The following GALNT13 variants were observed in gnomAD, a reference collection of about 807,000 sequenced individuals.
GALNT13 encodes polypeptide N-acetylgalactosaminyltransferase 13.
Under a neutral mutation model 64.2 loss-of-function variants are expected in GALNT13, and 28 were observed. That is an observed-to-expected ratio of 0.44 (90% CI 0.32 to 0.60). The LOEUF is 0.60. Ranked by LOEUF, GALNT13 falls within the 20% of genes least tolerant of loss-of-function variation. The pLI, the probability that GALNT13 is intolerant of heterozygous loss-of-function variation, is 0.05. For synonymous variants in GALNT13, 214 were observed against 224.6 expected, an observed-to-expected ratio of 0.95 and a Z score of 0.42; for missense variants, 577 against 669.8, an observed-to-expected ratio of 0.86 and a Z score of 1.53.
chr2:153,522,532 G>C, the GALNT13 span, among the ~76,000 whole-genome samples: 18 of 152,214 alleles, frequency 1.2e-4, no homozygotes, highest in Non-Finnish European at 2.2e-4. Flanking sequence ...GTTGGTGGTG[G>C]TGTTTTCATT....
At chr2:153,674,234 G>T in the GALNT13 span, among the ~76,000 whole-genome samples, 2 of 152,094 alleles carry the variant, frequency 1.3e-5, no homozygotes, top group East Asian at 1.9e-4. Flanking sequence ...AAAAGAGCCC[G>T]CATTGCCAAG....
the GALNT13 span, chr2:153,478,705 C>G: frequency 1.4e-6 from 1 of 722,506 alleles, no homozygotes; most frequent in Non-Finnish European, 2.3e-6. Context: ...TCGAAAGTCC[C>G]TGGGCCGTGG....
intron 9 of GALNT13, among the ~76,000 whole-genome samples, chr2:154,378,939 C>A (rs949926529): frequency 1.3e-5 from 2 of 152,050 alleles, no homozygotes; most frequent in African/African-American, 4.8e-5. Flanking sequence ...CTTCTCTCTT[C>A]ATTTAAAATT....
intron 3 of GALNT13, among the ~76,000 whole-genome samples, chr2:153,975,615 T>C (rs1175148501): frequency 6.6e-6 from 1 of 152,120 alleles, no homozygotes; most frequent in Non-Finnish European, 1.5e-5. Context: ...CTACCGTGGA[T>C]GAAACTGAAA....
intron 1 of GALNT13, among the ~76,000 whole-genome samples, chr2:153,873,281 G>C (rs1171922185): frequency 6.6e-6 from 1 of 152,218 alleles, no homozygotes; most frequent in East Asian, 1.9e-4. Context: ...CAAGGGGTTA[G>C]AGTGGAGGGC....
the GALNT13 span, among the ~76,000 whole-genome samples, chr2:153,578,573 CG>C: frequency 1.3e-5 from 2 of 152,040 alleles, no homozygotes; most frequent in African/African-American, 4.8e-5. Flanking sequence ...AAATAAAGAG[CG>C]TAAGATCTAA....
intron 3 of GALNT13, among the ~76,000 whole-genome samples, chr2:154,038,711 T>G (rs1477189992): frequency 6.6e-6 from 1 of 151,930 alleles, no homozygotes; most frequent in Non-Finnish European, 1.5e-5. Flanking sequence ...AGGCAAAGAT[T>G]TTATGGGTAG....
At chr2:154,105,690 A>G (rs1702577476) in intron 3 of GALNT13, among the ~76,000 whole-genome samples, 1 of 152,190 alleles carries the variant, frequency 6.6e-6, no homozygotes, top group Non-Finnish European at 1.5e-5. Flanking sequence ...GTTTGTTTGG[A>G]CAACATTAGA....
At chr2:154,330,439 C>T (rs1414995286) in intron 9 of GALNT13, among the ~76,000 whole-genome samples, 1 of 152,098 alleles carries the variant, frequency 6.6e-6, no homozygotes, top group Non-Finnish European at 1.5e-5. Context: ...GTTCCTTTAC[C>T]TGTTGGCCAA....
the GALNT13 span, among the ~76,000 whole-genome samples, chr2:153,594,829 C>T: frequency 2.6e-5 from 4 of 152,002 alleles, no homozygotes; most frequent in Non-Finnish European, 4.4e-5. Context: ...TCGCTTCTGC[C>T]GTCATCTAGC....
the GALNT13 span, among the ~76,000 whole-genome samples, chr2:153,115,442 C>T: frequency 2.3e-4 from 35 of 152,268 alleles, no homozygotes; most frequent in African/African-American, 7.0e-4. Flanking sequence ...TATGTGAAGA[C>T]CAGTAAAGCT....
the GALNT13 span, among the ~76,000 whole-genome samples, chr2:153,248,077 G>A: frequency 6.6e-6 from 1 of 152,090 alleles, no homozygotes; most frequent in Non-Finnish European, 1.5e-5. Context: ...TTGATAGCCT[G>A]CTAACTAAAA....
chr2:153,631,047 G>A, the GALNT13 span, among the ~76,000 whole-genome samples: 1 of 151,410 alleles, frequency 6.6e-6, no homozygotes, highest in African/African-American at 2.4e-5. Context: ...ATCTATGAGT[G>A]AGAATATGCA....
chr2:153,885,303 CTTTAAG>C (rs1687096338), intron 1 of GALNT13, among the ~76,000 whole-genome samples: 1 of 151,944 alleles, frequency 6.6e-6, no homozygotes, highest in South Asian at 2.1e-4. Flanking sequence ...GTCCTGTATC[CTTTAAG>C]TTTGATTCTT....
chr2:153,380,767 TA>T, the GALNT13 span, among the ~76,000 whole-genome samples: 1 of 152,154 alleles, frequency 6.6e-6, no homozygotes, highest in African/African-American at 2.4e-5. Flanking sequence ...ATGTGCAATA[TA>T]AAAATGTATT....
chr2:153,198,373 G>C, the GALNT13 span, among the ~76,000 whole-genome samples: 1 of 152,128 alleles, frequency 6.6e-6, no homozygotes, highest in African/African-American at 2.4e-5. Context: ...TAGGCCACTG[G>C]GAATCTCTCA....
At chr2:153,984,083 T>A (rs1346944664) in intron 3 of GALNT13, among the ~76,000 whole-genome samples, 1 of 149,726 alleles carries the variant, frequency 6.7e-6, no homozygotes, top group South Asian at 2.1e-4. Flanking sequence ...CTTTTTTTTT[T>A]ATTTATAGAA....
the GALNT13 span, among the ~76,000 whole-genome samples, chr2:153,377,106 T>A: frequency 1.3e-5 from 2 of 152,042 alleles, no homozygotes; most frequent in Non-Finnish European, 2.9e-5. Context: ...GATGTCCTTA[T>A]AAGAAAAGGA....
the GALNT13 span, among the ~76,000 whole-genome samples, chr2:153,645,832 G>A: frequency 6.6e-6 from 1 of 152,052 alleles, no homozygotes; most frequent in Non-Finnish European, 1.5e-5. Flanking sequence ...AACAAATGAA[G>A]TAGTGAAAAG....
Sources: allele counts gnomAD v4.1 joint callset (sites outside exome capture counted in the v4.1 genomes callset), GRCh38; gene constraint gnomAD v4.1.1; transcripts MANE v1.5; gene names NCBI Gene and HGNC (gene_info 2026-07-23, HGNC 2026-07-21).